The following PGPEP1L variants were observed in gnomAD, a reference collection of about 807,000 sequenced individuals.
The protein encoded by PGPEP1L is pyroglutamyl-peptidase I like.
A neutral mutation model predicts 6.0 loss-of-function variants in PGPEP1L; 7 were observed. The observed-to-expected ratio is 1.17, with a 90% CI of 0.66 to 2.19. The LOEUF is 2.19. Among genes scored for constraint, PGPEP1L ranks in the 30% most tolerant of loss-of-function variants. PGPEP1L has a pLI of 0.00. For missense variants in PGPEP1L, 209 were observed against 192.5 expected, an observed-to-expected ratio of 1.09 and a Z score of -0.51; for synonymous variants, 103 against 83.9, an observed-to-expected ratio of 1.23 and a Z score of -1.24.
chr15:99,000,051 A>G (rs1360236248), intron 2 of PGPEP1L, among the ~76,000 whole-genome samples: 1 of 152,200 alleles, frequency 6.6e-6, no homozygotes, highest in Non-Finnish European at 1.5e-5. Flanking sequence ...GCGTGGAGGG[A>G]GAGGCGCGGG....
intron 2 of PGPEP1L, among the ~76,000 whole-genome samples, chr15:98,978,855 G>A (rs1486163357): frequency 2.0e-5 from 3 of 149,840 alleles, no homozygotes; most frequent in Non-Finnish European, 4.4e-5. Context: ...TCAGCCTCCC[G>A]AGTAGCTGGG....
intron 2 of PGPEP1L, among the ~76,000 whole-genome samples, chr15:99,000,611 C>T (rs893784185): frequency 2.4e-4 from 36 of 152,186 alleles, no homozygotes; most frequent in Non-Finnish European, 2.2e-4. Flanking sequence ...CACCAATCGA[C>T]GCTCTGTATC....
chr15:98,997,714 C>A (rs1227105871), intron 2 of PGPEP1L, among the ~76,000 whole-genome samples: 1 of 152,172 alleles, frequency 6.6e-6, no homozygotes, highest in Non-Finnish European at 1.5e-5. Flanking sequence ...CTCAGAACAA[C>A]CCTGCAACAT....
chr15:98,970,232 T>C (rs953633546), intron 3 of PGPEP1L, among the ~76,000 whole-genome samples: 1 of 151,316 alleles, frequency 6.6e-6, no homozygotes, highest in Non-Finnish European at 1.5e-5. Flanking sequence ...GTAGTAGAGA[T>C]GGGATTTCAC....
intron 2 of PGPEP1L, among the ~76,000 whole-genome samples, chr15:99,004,950 G>C (rs1384994122): frequency 6.6e-6 from 1 of 151,918 alleles, no homozygotes; most frequent in African/African-American, 2.4e-5. Context: ...TCTTACTCTG[G>C]AAGTGGGGAC....
intron 2 of PGPEP1L, among the ~76,000 whole-genome samples, chr15:99,005,006 T>C (rs1448305323): frequency 6.6e-6 from 1 of 151,990 alleles, no homozygotes; most frequent in Non-Finnish European, 1.5e-5. Context: ...TTTGCAAGCC[T>C]TGTGAGGGCC....
intron 2 of PGPEP1L, among the ~76,000 whole-genome samples, chr15:98,978,233 C>T (rs1016694554): frequency 3.9e-5 from 6 of 152,186 alleles, no homozygotes; most frequent in Non-Finnish European, 5.9e-5. Flanking sequence ...AAAGAGAAGG[C>T]GCTGTGTGTG....
intron 2 of PGPEP1L, among the ~76,000 whole-genome samples, chr15:98,997,180 G>A (rs114199369): frequency 1.0e-3 from 158 of 152,286 alleles, no homozygotes; most frequent in African/African-American, 3.6e-3. Context: ...GCCCCAAGCT[G>A]GCCTTTCTGG....
intron 1 of PGPEP1L, 139 bp downstream of exon 1, chr15:99,007,220 C>T (rs562559883): frequency 6.6e-6 from 1 of 151,738 alleles, no homozygotes; most frequent in Non-Finnish European, 1.5e-5. Flanking sequence ...CCCACCTTGC[C>T]ATGAGTGGGA....
chr15:98,981,444 C>T (rs1363605093), intron 2 of PGPEP1L, among the ~76,000 whole-genome samples: 10 of 149,134 alleles, frequency 6.7e-5, no homozygotes, highest in East Asian at 6.0e-4. Context: ...GAGCCGAGAT[C>T]GCACCACTGC....
chr15:98,978,807 G>A (rs890836670), intron 2 of PGPEP1L, among the ~76,000 whole-genome samples: 6 of 141,624 alleles, frequency 4.2e-5, no homozygotes, highest in East Asian at 2.1e-4. Context: ...TCGGCTCACC[G>A]CAACCTCCGC....
At chr15:98,974,625 G>A (rs557357463) in intron 2 of PGPEP1L, among the ~76,000 whole-genome samples, 128 of 151,910 alleles carry the variant, frequency 8.4e-4, no homozygotes, top group South Asian at 3.1e-3. Flanking sequence ...GGCCGGGCGC[G>A]GTGGCTCATG....
At position 99,000,049 on chromosome 15, in the gene PGPEP1L, G is replaced by A. The variant is rs529121019; in HGVS notation, c.-142+5380C>T. On this transcript the variant is annotated intron_variant, in intron 2 of 4. Transcript: ENST00000535714. ...TCTCAGCTTGCAGGGAGGCGTGGAG[G>A]GAGAGGCGCGGGCGGGAACCGGGGC... 5.9e-5 allele frequency among the ~76,000 whole-genome samples: 9 copies of A among 152,374 alleles called. No individual in the cohort carries two copies. In the South Asian group the frequency reaches 1.9e-3, roughly 32 times the overall value.
intron 2 of PGPEP1L, among the ~76,000 whole-genome samples, chr15:99,005,054 A>G (rs2018030486): frequency 6.6e-6 from 1 of 151,926 alleles, no homozygotes; most frequent in African/African-American, 2.4e-5. Context: ...CTTCCTTGCT[A>G]TGAGCCTGCA....
intron 2 of PGPEP1L, among the ~76,000 whole-genome samples, chr15:98,976,921 GCTC>G (rs994180066): frequency 6.6e-6 from 1 of 150,872 alleles, no homozygotes; most frequent in African/African-American, 2.4e-5. Context: ...TGGGCCTCAT[GCTC>G]CTCACCTGTA....
rs1432774884 is a variant in PGPEP1L, at chr15:99,007,584, C to T, written c.-595G>A. ...CGGACCTTCATCATGAGTGCTACGG[C>T]TCTTAAGGTGGCGTGTTTGGAGTTA... On this transcript the variant is annotated 5_prime_UTR_variant, in exon 1 of 5. Transcript: ENST00000535714. 10 of 152,038 alleles carry T rather than the reference C, an allele frequency of 6.6e-5. No individual in the cohort carries two copies. Among genetic ancestry groups the T allele is most frequent in the Non-Finnish European group, 1.3e-4 (9 of 68,036 alleles). 9.4% of individuals were successfully genotyped at this position (152,038 alleles called of 1,614,324 possible).
At chr15:99,002,540 A>G (rs1323733634) in intron 2 of PGPEP1L, among the ~76,000 whole-genome samples, 7 of 152,180 alleles carry the variant, frequency 4.6e-5, no homozygotes, top group Non-Finnish European at 8.8e-5. Context: ...TACCAATGTC[A>G]ATATCCTGGC....
chr15:98,984,903 C>T (rs1020199211), intron 2 of PGPEP1L, among the ~76,000 whole-genome samples: 14 of 152,038 alleles, frequency 9.2e-5, no homozygotes, highest in African/African-American at 3.4e-4. Context: ...ACTCGACTGG[C>T]AGAGGGTACC....
intron 2 of PGPEP1L, among the ~76,000 whole-genome samples, chr15:98,991,343 A>T (rs868981312): frequency 2.0e-5 from 3 of 152,230 alleles, no homozygotes; most frequent in Non-Finnish European, 4.4e-5. Flanking sequence ...TACACATATA[A>T]ACTAGAAAAT....
Sources: gnomAD v4.1 joint callset for allele counts (sites outside exome capture counted in the v4.1 genomes callset) on GRCh38, gnomAD v4.1.1 for gene constraint, MANE v1.5 for transcripts, NCBI Gene and HGNC (gene_info 2026-07-23, HGNC 2026-07-21) for gene names.